BRF1: variants seen among roughly 807,000 people sequenced by gnomAD.
The protein encoded by BRF1 is BRF1 general transcription factor IIIB subunit, also known as transcription factor IIIB 90 kDa subunit.
BRF1 carries 59 observed loss-of-function variants against 81.7 expected under a neutral mutation model. That is an observed-to-expected ratio of 0.72 (90% CI 0.59 to 0.90). BRF1 has a LOEUF of 0.90. BRF1 is among the 40% of genes least tolerant of loss of function. The probability of loss-of-function intolerance (pLI) is 0.00; values close to 1 mark genes in which losing one functional copy is unlikely to be tolerated. For synonymous variants in BRF1, 491 were observed against 395.6 expected, an observed-to-expected ratio of 1.24 and a Z score of -2.86; for missense variants, 1,050 against 936.3, an observed-to-expected ratio of 1.12 and a Z score of -1.58.
At chr14:105,266,109 C>T (rs773583116) in intron 3 of BRF1, among the ~76,000 whole-genome samples, 5 of 152,032 alleles carry the variant, frequency 3.3e-5, no homozygotes, top group South Asian at 2.1e-4. Flanking sequence ...TGTGATGTAA[C>T]GAAACTCACC....
Position 105,269,472 on chromosome 14 carries a change from G to C in BRF1, c.439+3249C>G, listed in dbSNP as rs2056567189. 6.6e-6 allele frequency among the ~76,000 whole-genome samples: 1 copy of C among 152,160 alleles called. No homozygotes were observed. The highest frequency in any genetic ancestry group is 2.1e-4 in the South Asian group (1 of 4,828). ...GGCAGTGGGTTTTCGTAAATCCCCA[G>C]AGCTGAGCAACCACCACCAGGATCT... On this transcript the variant is annotated intron_variant, in intron 3 of 17. Coordinates refer to ENST00000547530, the MANE Select transcript of BRF1 (RefSeq NM_001519.4). The surrounding 1 kb of genome is among the most constrained non-coding windows in gnomAD (Gnocchi z 5.0).
At position 105,250,017 on chromosome 14, in the gene BRF1, C is replaced by A; in HGVS notation, c.544+2490G>T. On this transcript the variant is annotated intron_variant, in intron 5 of 17. Coordinates refer to ENST00000547530, the MANE Select transcript of BRF1 (RefSeq NM_001519.4). ...TGCAAGAGGCAGGGGCTGCCAATCA[C>A]CCCACGAAACAAGAGGCATGTTCTG... is the stretch of plus-strand genomic sequence containing the variant. 6 of 1,612,894 alleles carry A rather than the reference C, an allele frequency of 3.7e-6. No individual in the cohort carries two copies. In the South Asian group the frequency reaches 5.5e-5, roughly 15 times the overall value.
chr14:105,226,422 T>C, intron 8 of BRF1, 132 bp from the exon 9 acceptor site: 1 of 1,457,622 alleles, frequency 6.9e-7, no homozygotes, highest in Non-Finnish European at 9.5e-7. Flanking sequence ...GAGGTGGAGC[T>C]ATGGGCCTGT....
intron 15 of BRF1, among the ~76,000 whole-genome samples, chr14:105,213,833 C>G (rs192687010): frequency 1.3e-5 from 2 of 152,180 alleles, no homozygotes; most frequent in Non-Finnish European, 1.5e-5. Flanking sequence ...AGTGCAGAAC[C>G]GCAAGGGCTC....
In BRF1 at chr14:105,251,613, C is replaced by T. The variant is rs587736861; in HGVS notation, c.544+894G>A. Among the ~76,000 whole-genome samples the T allele has an allele frequency of 2.5e-4, 38 of 152,292 alleles. 1 individual carries two copies. The highest frequency in any genetic ancestry group is 6.5e-4 in the African/African-American group (27 of 41,562). On this transcript the variant is annotated intron_variant, in intron 5 of 17. Transcript: ENST00000547530. ...CATGGGCCGAGTGTATAGCCTCAGC[C>T]GGTGCCCCTCTGCTGCTGCAGCCCG... is the stretch of plus-strand genomic sequence containing the variant.
At chr14:105,312,942 CT>C (rs2058385521) in intron 1 of BRF1, among the ~76,000 whole-genome samples, 1 of 152,224 alleles carries the variant, frequency 6.6e-6, no homozygotes. Flanking sequence ...ATCCCGACCC[CT>C]GGCAGCTGCA....
At chr14:105,252,413 G>A in intron 5 of BRF1, 94 bp downstream of exon 5, 1 of 1,508,538 alleles carries the variant, frequency 6.6e-7, no homozygotes, top group South Asian at 1.3e-5. Flanking sequence ...TCCCATGCTT[G>A]GACAGGATTT....
intron 1 of BRF1, among the ~76,000 whole-genome samples, chr14:105,295,969 T>C (rs587746674): frequency 6.9e-4 from 103 of 148,842 alleles, no homozygotes; most frequent in Non-Finnish European, 1.3e-3. Flanking sequence ...TAATCCCAGC[T>C]ACTCAGGAGG....
intron 3 of BRF1, among the ~76,000 whole-genome samples, chr14:105,270,043 G>A (rs587768319): frequency 1.3e-5 from 2 of 152,314 alleles, no homozygotes; most frequent in East Asian, 3.9e-4. Flanking sequence ...GGGCAGGGAC[G>A]CGGGCGTGGG....
At chr14:105,221,946 CAG>C in intron 10 of BRF1, 32 bp from the exon 11 acceptor site, 1 of 1,536,746 alleles carries the variant, frequency 6.5e-7, no homozygotes, top group South Asian at 1.2e-5. Flanking sequence ...GTTAACCAGG[CAG>C]AGGGCCAGGG....
At chr14:105,217,073 G>T (rs142189918) in intron 15 of BRF1, 2,120 of 197,014 alleles carry the variant, frequency 0.011, 22 homozygotes, top group Middle Eastern at 0.032. Context: ...GCTGAGGCCA[G>T]CACATCCCGC....
At chr14:105,254,166 G>A (rs587743148) in intron 4 of BRF1, among the ~76,000 whole-genome samples, 66 of 152,322 alleles carry the variant, frequency 4.3e-4, no homozygotes, top group African/African-American at 1.5e-3. Context: ...AATGAGACCT[G>A]AACACTGCAA....
At chr14:105,241,126 C>T (rs931794181) in intron 6 of BRF1, 139 bp downstream of exon 6, 11 of 1,392,048 alleles carry the variant, frequency 7.9e-6, no homozygotes, top group South Asian at 5.4e-5. Context: ...TGGGCCAGGC[C>T]AGAGTCAGCC....
At chr14:105,280,538 C>G (rs1225537969) in intron 2 of BRF1, among the ~76,000 whole-genome samples, 1 of 152,270 alleles carries the variant, frequency 6.6e-6, no homozygotes, top group Non-Finnish European at 1.5e-5. Flanking sequence ...GATCCTGAGC[C>G]CAGGTGTGCA....
At chr14:105,248,576 G>GGCGAGCGGGCGGGCGGGACGGCGA (rs1386738404) in intron 5 of BRF1, 1 of 913,498 alleles carries the variant, frequency 1.1e-6, no homozygotes, top group African/African-American at 1.9e-5. Flanking sequence ...GGCTCGGGCG[G>GGCGAGCGGGCGGGCGGGACGGCGA]GCGGGCGGGC....
At chr14:105,211,589 T>G (rs940279875) in intron 16 of BRF1, 4 of 433,664 alleles carry the variant, frequency 9.2e-6, no homozygotes, top group Non-Finnish European at 1.2e-5. Flanking sequence ...TTCCAGACCA[T>G]AGGCCTCGGC....
intron 1 of BRF1, among the ~76,000 whole-genome samples, chr14:105,299,073 T>C (rs587690086): frequency 1.4e-4 from 21 of 151,550 alleles, no homozygotes; most frequent in Non-Finnish European, 2.2e-4. Context: ...CTCGGGAGGC[T>C]GAGGCAGGAG....
chr14:105,210,514 C>A lies in BRF1; in HGVS notation c.*37G>T, dbSNP rs375980910. On this transcript the variant is annotated 3_prime_UTR_variant, in exon 18 of 18. Coordinates refer to ENST00000547530, the MANE Select transcript of BRF1 (RefSeq NM_001519.4). The surrounding 1 kb of genome is among the most constrained non-coding windows in gnomAD (Gnocchi z 4.7). ...TCTGATGCTGAGGAGACCCGCGAGG[C>A]CCCCTGCCAGGACATCACCTGCCTG... The A allele has an allele frequency of 6.8e-6, 11 of 1,607,658 alleles. No homozygotes were observed. Among genetic ancestry groups the A allele is most frequent in the Non-Finnish European group, 7.6e-6 (9 of 1,179,312 alleles).
intron 1 of BRF1, among the ~76,000 whole-genome samples, chr14:105,289,183 CA>C (rs909587846): frequency 3.4e-5 from 5 of 147,772 alleles, no homozygotes; most frequent in Admixed American, 1.4e-4. Context: ...CCCATCTCTA[CA>C]AAAAAAAAAT....
Sources: gnomAD v4.1 joint callset for allele counts (sites outside exome capture counted in the v4.1 genomes callset) on GRCh38, gnomAD v4.1.1 for gene constraint, Gnocchi (gnomAD v3.1) non-coding constraint, MANE v1.5 for transcripts, NCBI Gene and HGNC (gene_info 2026-07-23, HGNC 2026-07-21) for gene names.